Variants in CD79B observed in about 807,000 individuals in gnomAD.
CD79B encodes B-cell antigen receptor complex-associated protein beta chain.
Under a neutral mutation model 30.0 loss-of-function variants are expected in CD79B, and 7 were observed. That is an observed-to-expected ratio of 0.23 (90% confidence interval 0.13 to 0.44). The LOEUF is 0.44. CD79B is among the 20% of genes least tolerant of loss of function. The pLI, the probability that CD79B is intolerant of heterozygous loss-of-function variation, is 1.00. For synonymous variants in CD79B, 118 were observed against 119.2 expected (o/e 0.99, Z 0.07); for missense variants, 218 against 299.1 (o/e 0.73, Z 2.00).
Position 63,929,066 on chromosome 17 carries a change from AGCTGGGGACCAGGG to A in CD79B, c.*146_*159del, listed in dbSNP as rs1907950215. 1.5e-6 allele frequency: 1 copy of A among 665,462 alleles called. No homozygotes were observed. Among genetic ancestry groups the A allele is most frequent in the East Asian group, 2.7e-5 (1 of 37,008 alleles). The allele number at this position is 665,462 out of a possible 1,614,324, so 41.2% of individuals were successfully genotyped here. ...CTTCTACTCCAGGCCCTTTGGCAAG[AGCTGGGGACCAGGG>A]GCTGGAGACAAATGGCAGCTCTGGT... is the stretch of plus-strand genomic sequence containing the variant. On this transcript the variant is annotated 3_prime_UTR_variant, in exon 6 of 6. Transcript: ENST00000006750.
In CD79B at chr17:63,930,105, G is replaced by A. The variant is rs1460646939; in HGVS notation, c.399C>T (p.Tyr133=). 6 of 1,614,142 alleles carry A rather than the reference G, an allele frequency of 3.7e-6. No individual in the cohort carries two copies. The highest frequency in any genetic ancestry group is 2.2e-5 in the South Asian group (2 of 91,058). Residue 133 remains tyrosine (Y), a synonymous_variant, in exon 3 of 6, where the codon TAC becomes TAT. Transcript: ENST00000006750. ...CTCGCAGCTCTGTGCCGCAGCCCTGGTAGACCTCCGAGGTGTTGTTGCACT... is the reference window on the plus strand; with the variant it reads ...CTCGCAGCTCTGTGCCGCAGCCCTGATAGACCTCCGAGGTGTTGTTGCACT... ...QQKCNNTSEV[Y]QGCGTELRVM...
intron 1 of CD79B, 177 bp downstream of exon 1, chr17:63,932,018 C>G (rs1908161615): frequency 1.4e-6 from 1 of 699,908 alleles, no homozygotes; most frequent in African/African-American, 1.8e-5. Context: ...GGCTCCTGAG[C>G]CCATCACCAC....
rs747800058 is a variant in CD79B at position 63,930,339 on chromosome 17, C to G, written c.165G>C (p.Arg55Ser). ...GCATTTTCACCGTGAAGCCCCGTTT[C>G]CTGGCTATGAAACGTGGGCTCTGCC... ...RIWQSPRFIA[R>S]KRGFTVKMHC... is the part of the protein sequence containing the mutation. The change falls in exon 3 of 6, where the codon AGG (arginine) becomes AGC (serine). Residue 55 changes from arginine to serine, a missense_variant. By Grantham distance (110) the Arg-to-Ser change is moderately radical. Coordinates refer to ENST00000006750, the MANE Select transcript of CD79B (RefSeq NM_000626.4). 1 of 1,614,128 alleles carries G rather than the reference C, an allele frequency of 6.2e-7. No homozygotes were observed. Among genetic ancestry groups the G allele is most frequent in the Admixed American group, 1.7e-5 (1 of 60,006 alleles).
Position 63,928,905 on chromosome 17 carries a change from G to C in CD79B, c.*321C>G. 1 of 464,016 alleles carries C rather than the reference G, an allele frequency of 2.2e-6. No homozygotes were observed. Among genetic ancestry groups the C allele is most frequent in the East Asian group, 3.8e-5 (1 of 26,518 alleles). 28.7% of individuals were successfully genotyped at this position (464,016 alleles called of 1,614,324 possible). On this transcript the variant is annotated 3_prime_UTR_variant, in exon 6 of 6. Coordinates refer to ENST00000006750, the MANE Select transcript of CD79B (RefSeq NM_000626.4). ...GCTCTGCTGGGAGGCCCTCGGCTCC[G>C]AGTCCATTTGCGGGCTCTGGACCAG...
chr17:63,929,501 A>T, intron 4 of CD79B, 26 bp from the exon 5 acceptor site: 1 of 1,613,252 alleles, frequency 6.2e-7, no homozygotes, highest in Non-Finnish European at 8.5e-7. Context: ...GATGGAGATC[A>T]GAGTGTTAGT....
At position 63,930,220 on chromosome 17, in the gene CD79B, C is replaced by A; in HGVS notation, c.284G>T (p.Arg95Leu). 3 of 1,614,196 alleles carry A rather than the reference C, an allele frequency of 1.9e-6. No homozygotes were observed. The highest frequency in any genetic ancestry group is 1.7e-5 in the Admixed American group (1 of 60,030). ...NPQQLKLEKGRMEESQNESLA... is the reference protein window; with the variant it reads ...NPQQLKLEKGLMEESQNESLA... ...AGATTCGTTCTGGGACTCTTCCATG[C>A]GGCCCTTTTCCAGCTTCAGCTGCTG... The change falls in exon 3 of 6, where the codon CGC becomes CTC. Residue 95 changes from arginine to leucine, a missense_variant. By Grantham distance (102) the Arg-to-Leu change is moderately radical. Transcript: ENST00000006750.
chr17:63,931,240 G>A (rs1331918666), intron 2 of CD79B, 95 bp downstream of exon 2: 1 of 1,273,418 alleles, frequency 7.9e-7, no homozygotes, highest in South Asian at 1.2e-5. Flanking sequence ...GGCAAGGGTG[G>A]GAAGGCGGAC....
chr17:63,930,985 C>T (rs1355558662), intron 2 of CD79B: 5 of 389,944 alleles, frequency 1.3e-5, no homozygotes, highest in Non-Finnish European at 2.4e-5. Flanking sequence ...TCCCTGAGCC[C>T]CTCACATAGT....
intron 2 of CD79B, 47 bp downstream of exon 2, chr17:63,931,288 T>A: frequency 6.3e-7 from 1 of 1,589,520 alleles, no homozygotes; most frequent in Non-Finnish European, 8.6e-7. Flanking sequence ...ACACAGGACA[T>A]AGTCGCACAC....
rs200782252 is a variant in CD79B at position 63,932,181 on chromosome 17, C to T, written c.67+14G>A. On this transcript the variant is annotated intron_variant, in intron 1 of 5. Coordinates refer to ENST00000006750, the MANE Select transcript of CD79B (RefSeq NM_000626.4). ...TGAGAGCAAACCCCACAGGCCTCGT[C>T]GTGGGTTCTGTACCTGAGAGCAGCA... 30 of 1,611,784 alleles carry T rather than the reference C, an allele frequency of 1.9e-5. No individual in the cohort carries two copies. The highest frequency in any genetic ancestry group is 2.2e-5 in the East Asian group (1 of 44,868).
At chr17:63,930,631 G>C in intron 2 of CD79B, 1 of 579,146 alleles carries the variant, frequency 1.7e-6, no homozygotes, top group Non-Finnish European at 3.1e-6. Context: ...CCTCCCCTTC[G>C]ATTTTCCTTT....
intron 3 of CD79B, 56 bp from the exon 4 acceptor site, chr17:63,929,944 A>C: frequency 6.5e-7 from 1 of 1,542,678 alleles, no homozygotes; most frequent in Non-Finnish European, 9.0e-7. Context: ...TTTTAGGCCT[A>C]CAAGGGCAGC....
In CD79B at chr17:63,931,395, G is replaced by T. The variant is rs774175921; in HGVS notation, c.68-10C>A. 5.6e-6 allele frequency: 9 copies of T among 1,613,804 alleles called. No individual in the cohort carries two copies. The highest frequency in any genetic ancestry group is 7.6e-6 in the Non-Finnish European group (9 of 1,179,924). On this transcript the variant is annotated splice_polypyrimidine_tract_variant and intron_variant, in intron 1 of 5. Transcript: ENST00000006750. Reference sequence around the variant, plus strand: ...GCTGGTACTGGCTCAGCTGCTGGGTGGGAGGAAGTGGGCGGGGCCAGTCAG... The same window carrying T: ...GCTGGTACTGGCTCAGCTGCTGGGTTGGAGGAAGTGGGCGGGGCCAGTCAG...
At position 63,930,193 on chromosome 17, in the gene CD79B, A is replaced by G; in HGVS notation, c.311T>C (p.Leu104Pro). 1 of 1,614,174 alleles carries G rather than the reference A, an allele frequency of 6.2e-7. No individual in the cohort carries two copies. The highest frequency in any genetic ancestry group is 8.5e-7 in the Non-Finnish European group (1 of 1,180,018). The change falls in exon 3 of 6, where the codon CTC becomes CCC. Residue 104 changes from leucine (L) to proline (P), a missense_variant. Coordinates refer to ENST00000006750, the MANE Select transcript of CD79B (RefSeq NM_000626.4). ...GRMEESQNES[L>P]ATLTIQGIRF... Reference sequence around the variant, plus strand: ...GATGCCTTGGATGGTGAGGGTGGCGAGAGATTCGTTCTGGGACTCTTCCAT... The same window carrying G: ...GATGCCTTGGATGGTGAGGGTGGCGGGAGATTCGTTCTGGGACTCTTCCAT...
At chr17:63,931,266 G>T in intron 2 of CD79B, 69 bp downstream of exon 2, 2 of 1,514,122 alleles carry the variant, frequency 1.3e-6, no homozygotes, top group South Asian at 1.1e-5. Context: ...CCAGGACAGG[G>T]ACCATAGTCG....
At chr17:63,929,584 G>T in intron 4 of CD79B, 109 bp from the exon 5 acceptor site, 1 of 1,195,374 alleles carries the variant, frequency 8.4e-7, no homozygotes, top group Non-Finnish European at 1.2e-6. Context: ...CAGGAGTGAG[G>T]TGCATTCTGC....
At position 63,928,776 on chromosome 17, in the gene CD79B, A is replaced by T. The variant is rs1907931279; in HGVS notation, c.*450T>A. On this transcript the variant is annotated 3_prime_UTR_variant, in exon 6 of 6. Transcript: ENST00000006750. ...GACACACCGTTTATTCCACGGGGGAAGGCACTGGAGGCCAGGGCCTCCCTG... is the reference window on the plus strand; with the variant it reads ...GACACACCGTTTATTCCACGGGGGATGGCACTGGAGGCCAGGGCCTCCCTG... 2.9e-6 allele frequency: 1 copy of T among 348,510 alleles called. No individual in the cohort carries two copies. Among genetic ancestry groups the T allele is most frequent in the Admixed American group, 4.4e-5 (1 of 22,820 alleles). The allele number at this position is 348,510 out of a possible 1,614,324, so 21.6% of individuals were successfully genotyped here. A position where few individuals can be genotyped will look rare whatever the true frequency, so the allele number is the denominator to read the frequency against.
chr17:63,929,997 G>C, intron 3 of CD79B, 77 bp downstream of exon 3: 1 of 1,567,454 alleles, frequency 6.4e-7, no homozygotes, highest in Non-Finnish European at 8.8e-7. Flanking sequence ...CTAGGGCCAT[G>C]ACCATCACCA....
At chr17:63,929,728 C>T (rs371147313) in intron 4 of CD79B, 42 bp downstream of exon 4, 6 of 1,438,018 alleles carry the variant, frequency 4.2e-6, no homozygotes, top group Non-Finnish European at 4.9e-6. Context: ...ATGCGGTGGC[C>T]TCCTCTGCGG....
Sources: gnomAD v4.1 joint callset for allele counts on GRCh38, gnomAD v4.1.1 for gene constraint, MANE v1.5 for transcripts, NCBI Gene and HGNC (gene_info 2026-07-23, HGNC 2026-07-21) for gene names.